Variants in VCAM1 observed in about 807,000 individuals in gnomAD.
The protein encoded by VCAM1 is vascular cell adhesion protein 1.
A neutral mutation model predicts 63.8 loss-of-function variants in VCAM1; 41 were observed. The ratio of observed to expected loss-of-function variants is 0.64; its 90% CI spans 0.50 to 0.83. The LOEUF (loss-of-function observed/expected upper bound fraction) is 0.83, where lower values mean the gene tolerates loss of function less well. Ranked by LOEUF, VCAM1 falls within the 40% of genes least tolerant of loss-of-function variation. VCAM1 has a pLI of 0.00. For synonymous variants in VCAM1, 338 were observed against 320.7 expected (o/e 1.05, Z -0.58); for missense variants, 798 against 875.5 (o/e 0.91, Z 1.12).
At chr1:100,721,856 C>T (rs1659966216) in intron 2 of VCAM1, among the ~76,000 whole-genome samples, 1 of 152,000 alleles carries the variant, frequency 6.6e-6, no homozygotes, top group Admixed American at 6.6e-5. Context: ...AGGAACATTT[C>T]TTACAGAATA....
At chr1:100,720,418 A>C in intron 1 of VCAM1, 58 bp from the exon 2 acceptor site, 1 of 1,553,102 alleles carries the variant, frequency 6.4e-7, no homozygotes, top group Non-Finnish European at 8.7e-7. Flanking sequence ...GAGAAGAAGG[A>C]GGAGAATACT....
rs776715513 is a variant in VCAM1 at position 100,732,699 on chromosome 1, A to C, written c.1792+15A>C. 10 of 1,554,268 alleles carry C rather than the reference A, an allele frequency of 6.4e-6. No homozygotes were observed. The African/African-American group carries it at 1.2e-4, about 19-fold the overall frequency. Reference sequence around the variant, plus strand: ...AATTATCCAAGGTGAGCAGAGTGTGAGTAATGAGTTATCCTTGCTAGTAAT... The same window carrying C: ...AATTATCCAAGGTGAGCAGAGTGTGCGTAATGAGTTATCCTTGCTAGTAAT... On this transcript the variant is annotated intron_variant, in intron 7 of 8. Transcript: ENST00000294728.
intron 2 of VCAM1, 32 bp downstream of exon 2, chr1:100,720,783 TC>T: frequency 6.4e-7 from 1 of 1,558,262 alleles, no homozygotes; most frequent in African/African-American, 1.4e-5. Context: ...TGTTTTTCTC[TC>T]AATTTTACTT....
intron 8 of VCAM1, chr1:100,737,872 C>A (rs1299062215): frequency 7.0e-6 from 2 of 286,416 alleles, no homozygotes; most frequent in Non-Finnish European, 1.3e-5. Flanking sequence ...GAACCTGAAT[C>A]TATTTGAATC....
At chr1:100,733,482 A>G (rs1397223875) in intron 7 of VCAM1, among the ~76,000 whole-genome samples, 1 of 152,224 alleles carries the variant, frequency 6.6e-6, no homozygotes, top group Non-Finnish European at 1.5e-5. Flanking sequence ...GAATATTGGA[A>G]AGACAATACA....
chr1:100,727,174 G>T, intron 4 of VCAM1, among the ~76,000 whole-genome samples: 1 of 151,786 alleles, frequency 6.6e-6, no homozygotes, highest in East Asian at 1.9e-4. Flanking sequence ...GGGCAGCATA[G>T]TCTTTTGTTT....
chr1:100,734,449 G>A, intron 7 of VCAM1, 53 bp from the exon 8 acceptor site: 6 of 1,555,266 alleles, frequency 3.9e-6, no homozygotes, highest in Non-Finnish European at 5.2e-6. Flanking sequence ...AATTAATATG[G>A]AGTTGGTTTA....
chr1:100,729,314 A>G lies in VCAM1; in HGVS notation c.1136A>G (p.His379Arg). The change falls in exon 5 of 9, where the codon CAC (histidine) becomes CGC (arginine). Residue 379 changes from histidine to arginine, a missense_variant. His to Arg is a conservative substitution (Grantham distance 29). Coordinates refer to ENST00000294728, the MANE Select transcript of VCAM1 (RefSeq NM_001078.4). The stretch of plus-strand genomic sequence containing the variant: ...AGCCCTGTGAGTTTTGAGAACGAAC[A>G]CTCTTATCTGTGCACAGTGACTTGT... The part of the protein sequence containing the change: ...TLSPVSFENE[H>R]SYLCTVTCGH... 1.9e-6 allele frequency: 3 copies of G among 1,613,226 alleles called. No individual in the cohort carries two copies. Among genetic ancestry groups the G allele is most frequent in the South Asian group, 1.1e-5 (1 of 91,034 alleles).
chr1:100,722,698 C>T (rs1659996357), intron 2 of VCAM1, among the ~76,000 whole-genome samples: 1 of 152,034 alleles, frequency 6.6e-6, no homozygotes, highest in Non-Finnish European at 1.5e-5. Flanking sequence ...AAAATGAAAT[C>T]ATTCATGTTA....
chr1:100,721,049 T>G (rs1659935538), intron 2 of VCAM1, among the ~76,000 whole-genome samples: 1 of 152,106 alleles, frequency 6.6e-6, no homozygotes, highest in Non-Finnish European at 1.5e-5. Flanking sequence ...TCTTTTTGTT[T>G]TATTAAAAAA....
rs769108222 is a variant in VCAM1 at position 100,729,276 on chromosome 1, C to T, written c.1098C>T (p.Ser366=). The stretch of plus-strand genomic sequence containing the variant: ...AGGTGAGGAGTGAGGGGACCAATTC[C>T]ACGCTGACCCTGAGCCCTGTGAGTT... ...SGKVRSEGTN[S]TLTLSPVSFE... Residue 366 remains serine, a synonymous_variant, in exon 5 of 9, where the codon TCC becomes TCT. Coordinates refer to ENST00000294728, the MANE Select transcript of VCAM1 (RefSeq NM_001078.4). 9.3e-6 allele frequency: 15 copies of T among 1,613,444 alleles called. No homozygotes were observed. The South Asian group carries it at 1.5e-4, about 17-fold the overall frequency.
At chr1:100,728,975 A>G in intron 4 of VCAM1, 132 bp from the exon 5 acceptor site, 1 of 1,105,398 alleles carries the variant, frequency 9.0e-7, no homozygotes, top group Non-Finnish European at 1.2e-6. Flanking sequence ...CAAGGTGGAA[A>G]AGAGTAATTT....
intron 8 of VCAM1, chr1:100,735,039 A>C (rs1660600357): frequency 5.2e-6 from 2 of 385,524 alleles, no homozygotes; most frequent in South Asian, 7.4e-5. Flanking sequence ...CTAAATGTTT[A>C]ACCATATTTT....
intron 2 of VCAM1, among the ~76,000 whole-genome samples, chr1:100,720,969 G>A (rs1659933896): frequency 6.6e-6 from 1 of 152,002 alleles, no homozygotes. Context: ...CACAAACACA[G>A]TGACCATGTA....
intron 4 of VCAM1, among the ~76,000 whole-genome samples, chr1:100,727,756 C>A (rs1660224494): frequency 6.6e-6 from 1 of 152,056 alleles, no homozygotes. Flanking sequence ...CATTCTCACA[C>A]TAGCATATAA....
Position 100,731,621 on chromosome 1 carries a change from A to C in VCAM1, c.1525+103A>C. On this transcript the variant is annotated intron_variant, in intron 6 of 8. Coordinates refer to ENST00000294728, the MANE Select transcript of VCAM1 (RefSeq NM_001078.4). This position sits in a 1 kb window ranked among gnomAD's most constrained non-coding sequence, Gnocchi z 4.2. ...TTAATCGTTAAAACCTCTGTGGAGA[A>C]AAAACGTTACTGAAAAGAAATTTCA... 1 of 1,126,530 alleles carries C rather than the reference A, an allele frequency of 8.9e-7. No individual in the cohort carries two copies. The allele number at this position is 1,126,530 out of a possible 1,614,324, so 69.8% of individuals were successfully genotyped here.
chr1:100,729,566 T>C (rs994973135), intron 5 of VCAM1, among the ~76,000 whole-genome samples, 184 bp downstream of exon 5: 4 of 152,124 alleles, frequency 2.6e-5, no homozygotes, highest in Non-Finnish European at 4.4e-5. Context: ...ATCTTAAATA[T>C]ATATTACATA....
rs755678326 is a variant in VCAM1 at position 100,738,276 on chromosome 1, A to G, written c.2213A>G (p.Lys738Arg). The part of the protein sequence containing the change: ...SYSLVEAQKS[K>R]V ...AGTCTTGTAGAAGCACAGAAGTCAA[A>G]AGTGTAGCTAATGCTTGATATGTTC... Residue 738 changes from lysine (K) to arginine (R), a missense_variant, in exon 9 of 9, where the codon AAA becomes AGA. Lys to Arg is a conservative substitution (Grantham distance 26). Transcript: ENST00000294728. 1 of 1,612,956 alleles carries G rather than the reference A, an allele frequency of 6.2e-7. No individual in the cohort carries two copies. The highest frequency in any genetic ancestry group is 1.1e-5 in the South Asian group (1 of 90,878).
At chr1:100,728,152 T>C (rs963436808) in intron 4 of VCAM1, among the ~76,000 whole-genome samples, 9 of 152,102 alleles carry the variant, frequency 5.9e-5, no homozygotes, top group African/African-American at 2.2e-4. Flanking sequence ...CCAGCCGGGA[T>C]AGCGCTGATG....
Sources: allele counts gnomAD v4.1 joint callset (sites outside exome capture counted in the v4.1 genomes callset), GRCh38; gene constraint gnomAD v4.1.1; non-coding constraint Gnocchi (gnomAD v3.1); transcripts MANE v1.5; gene names NCBI Gene and HGNC (gene_info 2026-07-23, HGNC 2026-07-21).